Variants in CAMKK2 observed in about 807,000 individuals in gnomAD.
CAMKK2 encodes calcium/calmodulin-dependent protein kinase kinase 2.
A neutral mutation model predicts 67.2 loss-of-function variants in CAMKK2; 30 were observed. The ratio of observed to expected loss-of-function variants is 0.45; its 90% confidence interval spans 0.33 to 0.61. The LOEUF (loss-of-function observed/expected upper bound fraction) is 0.61, where lower values mean the gene tolerates loss of function less well. Ranked by LOEUF, CAMKK2 falls within the 20% of genes least tolerant of loss-of-function variation. The probability of loss-of-function intolerance (pLI) is 0.02; values close to 1 mark genes in which losing one functional copy is unlikely to be tolerated. For missense variants in CAMKK2, 643 were observed against 802.0 expected, an observed-to-expected ratio of 0.80 and a Z score of 2.39; for synonymous variants, 322 against 326.2, an observed-to-expected ratio of 0.99 and a Z score of 0.14.
At chr12:121,294,372 A>G (rs2136683799) in intron 1 of CAMKK2, among the ~76,000 whole-genome samples, 1 of 152,200 alleles carries the variant, frequency 6.6e-6, no homozygotes, top group Admixed American at 6.5e-5. Context: ...ACTTTCCCAA[A>G]TCCCTGCCAG....
In CAMKK2 at chr12:121,239,743, ACTGATCACATGC is replaced by A. The variant is rs1372834114; in HGVS notation, c.*944_*955del. ...GCGGGCATAGGTTTCATCGGCTCTA[ACTGATCACATGC>A]CTGAAGCTGTGAAATATATCCTGGA... On this transcript the variant is annotated 3_prime_UTR_variant, in exon 17 of 17. Transcript: ENST00000404169. 1 of 152,268 alleles carries A rather than the reference ACTGATCACATGC, an allele frequency of 6.6e-6. No homozygotes were observed. Among genetic ancestry groups the A allele is most frequent in the African/African-American group, 2.4e-5 (1 of 41,450 alleles). 9.4% of individuals were successfully genotyped at this position (152,268 alleles called of 1,614,324 possible).
intron 1 of CAMKK2, among the ~76,000 whole-genome samples, chr12:121,292,987 A>G (rs1482864727): frequency 1.3e-5 from 2 of 151,422 alleles, no homozygotes; most frequent in East Asian, 4.0e-4. Context: ...AAAAAAAAGA[A>G]AAAAAAAGCT....
chr12:121,247,491 C>T (rs1889732840), intron 14 of CAMKK2, among the ~76,000 whole-genome samples: 1 of 152,226 alleles, frequency 6.6e-6, no homozygotes, highest in South Asian at 2.1e-4. Context: ...GGACTGAGAA[C>T]CTCCTGAGCC....
intron 14 of CAMKK2, among the ~76,000 whole-genome samples, chr12:121,247,164 C>G (rs964734821): frequency 6.6e-6 from 1 of 152,154 alleles, no homozygotes; most frequent in African/African-American, 2.4e-5. Context: ...CCCTACCATC[C>G]TCTCGGTGTC....
chr12:121,276,977 T>C (rs1896950027), intron 1 of CAMKK2, among the ~76,000 whole-genome samples: 1 of 151,482 alleles, frequency 6.6e-6, no homozygotes, highest in South Asian at 2.1e-4. Context: ...AATAAAATGG[T>C]ATCTCCGATG....
intron 13 of CAMKK2, 44 bp from the exon 14 acceptor site, chr12:121,248,778 T>C: frequency 6.2e-7 from 1 of 1,610,680 alleles, no homozygotes; most frequent in Non-Finnish European, 8.5e-7. Context: ...TGTGGCTGGC[T>C]ACCGGGGGGC....
At chr12:121,269,233 C>T (rs1653607) in intron 4 of CAMKK2, among the ~76,000 whole-genome samples, 141,130 of 152,204 alleles carry the variant, frequency 0.93, 65,655 homozygotes, top group East Asian at 1. Context: ...CACACAGACA[C>T]CTGTCTCACT....
Position 121,240,704 on chromosome 12 carries a change from C to G in CAMKK2, c.1762G>C (p.Glu588Gln). Residue 588 changes from glutamate to glutamine, a missense_variant, in exon 17 of 17, where the codon GAG becomes CAG. Physicochemically the swap from Glu to Gln is conservative, Grantham distance 29. Transcript: ENST00000404169. The surrounding 1 kb of genome is among the most constrained non-coding windows in gnomAD (Gnocchi z 4.4). ...AGGTCGAGCGATCCAGGCAGCTACT[C>G]GGGCTCCATGGCCTCCTCCGGCCGC... ...PLRPEEAMEP[E>Q] is the part of the protein sequence containing the mutation. 6.2e-7 allele frequency: 1 copy of G among 1,600,674 alleles called. No homozygotes were observed. The highest frequency in any genetic ancestry group is 1.1e-5 in the South Asian group (1 of 89,970).
In CAMKK2 at chr12:121,270,934, C is replaced by A; in HGVS notation, c.483G>T (p.Gln161His). 6.2e-7 allele frequency: 1 copy of A among 1,613,550 alleles called. No homozygotes were observed. Among genetic ancestry groups the A allele is most frequent in the Non-Finnish European group, 8.5e-7 (1 of 1,179,612 alleles). ...VSITGMQDCV[Q>H]LNQYTLKDEI... ...CATCCTTCAGGGTATACTGATTCAG[C>A]TGCACACAGTCCTAGAGAGTAAGGA... The change falls in exon 3 of 17, where the codon CAG becomes CAT. Residue 161 changes from glutamine to histidine, a missense_variant. By Grantham distance (24) the Gln-to-His change is conservative (BLOSUM62 0). Coordinates refer to ENST00000404169, the MANE Select transcript of CAMKK2 (RefSeq NM_001270485.2).
At chr12:121,260,417 A>G in intron 6 of CAMKK2, 62 bp from the exon 7 acceptor site, 1 of 1,495,978 alleles carries the variant, frequency 6.7e-7, no homozygotes, top group Non-Finnish European at 9.2e-7. Context: ...GAGAGAATAG[A>G]TATGAGCAGG....
In CAMKK2 at chr12:121,251,276, A is replaced by G. The variant is rs1312600770; in HGVS notation, c.1162-1242T>C. On this transcript the variant is annotated intron_variant, in intron 11 of 16. Coordinates refer to ENST00000404169, the MANE Select transcript of CAMKK2 (RefSeq NM_001270485.2). ...GGACTGAGGGATGGGTAAGGAATGA[A>G]CAGACAAGCACAGGAAAAGGTTAAT... Among the ~76,000 whole-genome samples, 3 of 152,252 alleles carry G rather than the reference A, an allele frequency of 2.0e-5. No homozygotes were observed. The East Asian group carries it at 5.8e-4, about 29-fold the overall frequency.
intron 16 of CAMKK2, among the ~76,000 whole-genome samples, chr12:121,242,368 AAAG>A (rs1227587871): frequency 1.3e-5 from 2 of 149,892 alleles, no homozygotes; most frequent in Admixed American, 1.3e-4. Flanking sequence ...AGAAAGAAAG[AAAG>A]AAAGAAAATA....
Position 121,240,735 on chromosome 12 carries a change from A to C in CAMKK2, c.1731T>G (p.His577Gln). 2.5e-6 allele frequency: 4 copies of C among 1,608,938 alleles called. No individual in the cohort carries two copies. Among genetic ancestry groups the C allele is most frequent in the Non-Finnish European group, 3.4e-6 (4 of 1,179,074 alleles). ...APAPGSPARM[H>Q]PLRPEEAMEP... The stretch of plus-strand genomic sequence containing the variant: ...CCATGGCCTCCTCCGGCCGCAGTGG[A>C]TGCATGCGTGCGGGGGAGCCGGGGG... The change falls in exon 17 of 17, where the codon CAT becomes CAG. Residue 577 changes from histidine to glutamine, a missense_variant. By Grantham distance (24) the His-to-Gln change is conservative. This residue lies in a region of CAMKK2 where 140 missense variants were observed against 124.2 expected (regional missense o/e 1.13). Transcript: ENST00000404169. The surrounding 1 kb of genome is among the most constrained non-coding windows in gnomAD (Gnocchi z 4.4).
chr12:121,242,543 G>A (rs1368778882), intron 16 of CAMKK2, among the ~76,000 whole-genome samples: 2 of 152,180 alleles, frequency 1.3e-5, no homozygotes, highest in Admixed American at 6.5e-5. Context: ...CTGCCCAGGC[G>A]TCTGTCTGGG....
rs1171526177 is a variant in CAMKK2, at chr12:121,268,557, G to A, written c.625+81C>T. 1.5e-5 allele frequency: 19 copies of A among 1,288,362 alleles called. No homozygotes were observed. In the Middle Eastern group the frequency reaches 6.1e-4, roughly 41 times the overall value. 79.8% of individuals were successfully genotyped at this position (1,288,362 alleles called of 1,614,324 possible). A position where few individuals can be genotyped will look rare whatever the true frequency, so the allele number is the denominator to read the frequency against. On this transcript the variant is annotated intron_variant, in intron 5 of 16. Transcript: ENST00000404169. ...CTACAGGCATGTGGCACCATGCCCAGTGCAATGGTTCCCATTCAGGGGGCT... is the reference window on the plus strand; with the variant it reads ...CTACAGGCATGTGGCACCATGCCCAATGCAATGGTTCCCATTCAGGGGGCT...
intron 7 of CAMKK2, among the ~76,000 whole-genome samples, chr12:121,258,687 G>T (rs1039796846): frequency 6.6e-6 from 1 of 152,014 alleles, no homozygotes; most frequent in African/African-American, 2.4e-5. Context: ...TTCTGCAACT[G>T]CCACCTCGAG....
At chr12:121,242,439 C>T (rs574276710) in intron 16 of CAMKK2, among the ~76,000 whole-genome samples, 1 of 152,264 alleles carries the variant, frequency 6.6e-6, no homozygotes, top group South Asian at 2.1e-4. Context: ...GTTTGGCAAA[C>T]CCTAAAATGG....
chr12:121,281,536 CATTT>C (rs949783144), intron 1 of CAMKK2, among the ~76,000 whole-genome samples: 6 of 152,228 alleles, frequency 3.9e-5, no homozygotes, highest in African/African-American at 9.7e-5. Context: ...TTCATTCATT[CATTT>C]GTTCTTACAT....
chr12:121,280,617 C>G (rs542883340), intron 1 of CAMKK2, among the ~76,000 whole-genome samples: 1 of 152,124 alleles, frequency 6.6e-6, no homozygotes, highest in East Asian at 1.9e-4. Context: ...CAGCATGGAA[C>G]GTCCCTGAGA....
Sources: allele counts gnomAD v4.1 joint callset (sites outside exome capture counted in the v4.1 genomes callset), GRCh38; gene constraint gnomAD v4.1.1; regional missense constraint gnomAD v4.1.1; non-coding constraint Gnocchi (gnomAD v3.1); transcripts MANE v1.5; gene names NCBI Gene and HGNC (gene_info 2026-07-23, HGNC 2026-07-21).